The following FHIT variants were observed in gnomAD, a reference collection of about 807,000 sequenced individuals.
The protein encoded by FHIT is bis(5'-adenosyl)-triphosphatase.
FHIT carries 19 observed loss-of-function variants against 17.9 expected under a neutral mutation model. The ratio of observed to expected loss-of-function variants is 1.06; its 90% CI spans 0.74 to 1.56. FHIT has a LOEUF of 1.56. Ranked by LOEUF, FHIT falls within the 40% of genes most tolerant of loss-of-function variation. The pLI is 0.00. For synonymous variants in FHIT, 81 were observed against 69.7 expected, an observed-to-expected ratio of 1.16 and a Z score of -0.81; for missense variants, 248 against 189.2, an observed-to-expected ratio of 1.31 and a Z score of -1.82.
chr3:60,672,916 C>A (rs2040543397), intron 4 of FHIT, among the ~76,000 whole-genome samples: 1 of 29,118 alleles, frequency 3.4e-5, no homozygotes, highest in African/African-American at 7.9e-5. Flanking sequence ...TGCATGCATG[C>A]TCTAGGACTA....
chr3:60,523,385 T>C (rs2035447923), intron 5 of FHIT, among the ~76,000 whole-genome samples: 1 of 152,200 alleles, frequency 6.6e-6, no homozygotes, highest in African/African-American at 2.4e-5. Context: ...AATCATGTTT[T>C]AAAAATTCTA....
intron 7 of FHIT, among the ~76,000 whole-genome samples, chr3:59,966,935 T>C (rs1303400493): frequency 1.1e-4 from 16 of 152,228 alleles, no homozygotes; most frequent in Admixed American, 1.0e-3. Flanking sequence ...TTTTTGACTT[T>C]TGTAATAACA....
chr3:61,012,784 T>C (rs1179037349), intron 3 of FHIT, among the ~76,000 whole-genome samples: 1 of 151,718 alleles, frequency 6.6e-6, no homozygotes, highest in East Asian at 1.9e-4. Context: ...CCAGATGTAA[T>C]TTTTGAAATG....
intron 5 of FHIT, among the ~76,000 whole-genome samples, chr3:60,072,292 G>A (rs559680225): frequency 1.3e-5 from 2 of 152,108 alleles, no homozygotes; most frequent in Non-Finnish European, 2.9e-5. Context: ...GAATGGCTAG[G>A]AAAGACTCCT....
At position 60,367,119 on chromosome 3, in the gene FHIT, C is replaced by A. The variant is rs138639766; in HGVS notation, c.103+169741G>T. Reference sequence around the variant, plus strand: ...TCTATAAAATGAGCTCAACCTTCCCCTAAGAATACTAAATACTCATAGATA... The same window carrying A: ...TCTATAAAATGAGCTCAACCTTCCCATAAGAATACTAAATACTCATAGATA... On this transcript the variant is annotated intron_variant, in intron 5 of 9. Coordinates refer to ENST00000492590, the MANE Select transcript of FHIT (RefSeq NM_002012.4). Among the ~76,000 whole-genome samples, 767 of 152,318 alleles carry A rather than the reference C, an allele frequency of 5.0e-3. 2 individuals carry two copies. Among genetic ancestry groups the A allele is most frequent in the Middle Eastern group, 0.01 (3 of 294 alleles).
chr3:60,016,670 G>C (rs1250023476), intron 5 of FHIT, among the ~76,000 whole-genome samples: 2 of 152,268 alleles, frequency 1.3e-5, no homozygotes, highest in South Asian at 2.1e-4. Flanking sequence ...GAAAGCTGTG[G>C]GAGCACAGGG....
intron 8 of FHIT, among the ~76,000 whole-genome samples, chr3:59,921,709 T>G (rs947538903): frequency 6.6e-6 from 1 of 152,348 alleles, no homozygotes; most frequent in East Asian, 1.9e-4. Flanking sequence ...AAGGTGGAAA[T>G]GGGCATCTGA....
intron 7 of FHIT, among the ~76,000 whole-genome samples, chr3:59,978,421 C>T (rs1002420673): frequency 6.6e-6 from 1 of 151,812 alleles, no homozygotes; most frequent in Non-Finnish European, 1.5e-5. Flanking sequence ...TTTAGAGTCC[C>T]AAAATCACTC....
chr3:61,113,708 A>G (rs925447885), intron 2 of FHIT, among the ~76,000 whole-genome samples: 2 of 152,204 alleles, frequency 1.3e-5, no homozygotes, highest in African/African-American at 2.4e-5. Context: ...AGCCAGGACC[A>G]TGTCTATCTT....
intron 3 of FHIT, among the ~76,000 whole-genome samples, chr3:60,851,169 G>C (rs1703139232): frequency 6.6e-6 from 1 of 152,146 alleles, no homozygotes; most frequent in African/African-American, 2.4e-5. Context: ...AAAGATAGCT[G>C]AGTGGCATCT....
At chr3:60,098,077 G>A (rs2107127988) in intron 5 of FHIT, among the ~76,000 whole-genome samples, 1 of 151,066 alleles carries the variant, frequency 6.6e-6, no homozygotes, top group Non-Finnish European at 1.5e-5. Context: ...AGTATTCCAT[G>A]GTGTATATGT....
rs116396839 is a variant in FHIT at position 60,043,307 on chromosome 3, C to T, written c.104-29155G>A. On this transcript the variant is annotated intron_variant, in intron 5 of 9. Transcript: ENST00000492590. ...ACTTTTAATATAATTCTGTGTGAACCAATAATGATGACAAACTATTCTTCT... is the reference window on the plus strand; with the variant it reads ...ACTTTTAATATAATTCTGTGTGAACTAATAATGATGACAAACTATTCTTCT... Among the ~76,000 whole-genome samples, 435 of 152,284 alleles carry T rather than the reference C, an allele frequency of 2.9e-3. 1 individual carries two copies. Among genetic ancestry groups the T allele is most frequent in the African/African-American group, 9.8e-3 (406 of 41,556 alleles).
rs1047348000 is a variant in FHIT at position 60,184,176 on chromosome 3, A to C, written c.104-170024T>G. Among the ~76,000 whole-genome samples, 6 of 150,232 alleles carry C rather than the reference A, an allele frequency of 4.0e-5. No homozygotes were observed. The East Asian group carries it at 5.8e-4, about 15-fold the overall frequency. ...GTTTTTTATTTTTTGGTAGAGACCA[A>C]CTCTTACTATGCTTCCCAGACTGGT... On this transcript the variant is annotated intron_variant, in intron 5 of 9. Coordinates refer to ENST00000492590, the MANE Select transcript of FHIT (RefSeq NM_002012.4).
intron 8 of FHIT, among the ~76,000 whole-genome samples, chr3:59,814,128 A>G (rs1329932594): frequency 1.3e-5 from 2 of 152,140 alleles, no homozygotes; most frequent in Non-Finnish European, 2.9e-5. Flanking sequence ...GGCAAATTAA[A>G]CAAGGAGGAT....
intron 1 of FHIT, among the ~76,000 whole-genome samples, chr3:61,241,786 T>G (rs2040378839): frequency 6.6e-6 from 1 of 152,204 alleles, no homozygotes; most frequent in Non-Finnish European, 1.5e-5. Context: ...ATGTGTATCT[T>G]TTGTGAACTT....
chr3:60,043,705 T>C (rs921000184), intron 5 of FHIT, among the ~76,000 whole-genome samples: 2 of 149,194 alleles, frequency 1.3e-5, no homozygotes, highest in African/African-American at 2.5e-5. Flanking sequence ...ATCTATTTTC[T>C]CCCCCCAAAA....
At chr3:61,142,106 C>A (rs1358802503) in intron 2 of FHIT, among the ~76,000 whole-genome samples, 1 of 148,932 alleles carries the variant, frequency 6.7e-6, no homozygotes, top group Non-Finnish European at 1.5e-5. Context: ...TCTTAAAATG[C>A]TTTCTCTTAA....
chr3:60,254,595 A>G (rs77824336), intron 5 of FHIT, among the ~76,000 whole-genome samples: 2,479 of 152,278 alleles, frequency 0.016, 60 homozygotes, highest in African/African-American at 0.054. Context: ...TATTTAATAT[A>G]ACATACTCAA....
At chr3:60,178,522 G>C (rs554027011) in intron 5 of FHIT, among the ~76,000 whole-genome samples, 1 of 152,024 alleles carries the variant, frequency 6.6e-6, no homozygotes, top group South Asian at 2.1e-4. Context: ...GGAGGCAGAG[G>C]TTGCAGTGAG....
Sources: allele counts gnomAD v4.1 joint callset (sites outside exome capture counted in the v4.1 genomes callset), GRCh38; gene constraint gnomAD v4.1.1; transcripts MANE v1.5; gene names NCBI Gene and HGNC (gene_info 2026-07-23, HGNC 2026-07-21).